The following TRIQK variants were observed in gnomAD, a reference collection of about 807,000 sequenced individuals.
TRIQK encodes the protein triple QxxK/R motif containing.
Under a neutral mutation model 10.8 loss-of-function variants are expected in TRIQK, and 10 were observed. The observed-to-expected ratio is 0.92, with a 90% CI of 0.57 to 1.57. The LOEUF is 1.57. TRIQK is among the 40% of genes most tolerant of loss of function. The pLI, the probability that TRIQK is intolerant of heterozygous loss-of-function variation, is 0.00. For synonymous variants in TRIQK, 33 were observed against 33.7 expected (o/e 0.98, Z 0.07); for missense variants, 107 against 97.7 (o/e 1.09, Z -0.40).
Position 92,906,435 on chromosome 8 carries a change from A to G in TRIQK, c.61+10494T>C, listed in dbSNP as rs1563622150. Reference sequence around the variant, plus strand: ...TTGACCAATCATAAAATTTAATACAATTTTTAAATTTTTAAAGGCAAAGAC... The same window carrying G: ...TTGACCAATCATAAAATTTAATACAGTTTTTAAATTTTTAAAGGCAAAGAC... On this transcript the variant is annotated intron_variant, in intron 3 of 4. Transcript: ENST00000521988. Among the ~76,000 whole-genome samples the G allele has an allele frequency of 2.6e-5, 4 of 152,222 alleles. 1 individual carries two copies. The highest frequency in any genetic ancestry group is 9.6e-5 in the African/African-American group (4 of 41,546).
At chr8:93,017,291 C>A (rs567001358) in intron 1 of TRIQK, among the ~76,000 whole-genome samples, 1 of 152,136 alleles carries the variant, frequency 6.6e-6, no homozygotes, top group African/African-American at 2.4e-5. Flanking sequence ...CACTTCAGGA[C>A]TAAGTAAGAA....
chr8:92,890,766 G>A (rs576946777), intron 4 of TRIQK, among the ~76,000 whole-genome samples: 1 of 151,950 alleles, frequency 6.6e-6, no homozygotes, highest in South Asian at 2.1e-4. Flanking sequence ...ACTGTATTGT[G>A]AAAGATAAAA....
At chr8:93,014,384 G>A (rs1188323262) in intron 1 of TRIQK, among the ~76,000 whole-genome samples, 1 of 151,722 alleles carries the variant, frequency 6.6e-6, no homozygotes, top group Non-Finnish European at 1.5e-5. Context: ...TTTCATTCTG[G>A]CCATTTTGCT....
intron 1 of TRIQK, among the ~76,000 whole-genome samples, chr8:93,009,368 G>T (rs1183715283): frequency 6.6e-6 from 1 of 152,164 alleles, no homozygotes; most frequent in African/African-American, 2.4e-5. Flanking sequence ...GCAGCACTTT[G>T]GGAGGCCGAG....
intron 1 of TRIQK, among the ~76,000 whole-genome samples, chr8:92,997,936 TCAAA>T (rs1486197714): frequency 6.6e-6 from 1 of 151,970 alleles, no homozygotes; most frequent in South Asian, 2.1e-4. Context: ...CTTACAAAAA[TCAAA>T]CAAAGTGAAA....
At chr8:92,956,296 C>A (rs1289866345) in intron 1 of TRIQK, among the ~76,000 whole-genome samples, 2 of 151,692 alleles carry the variant, frequency 1.3e-5, no homozygotes, top group Non-Finnish European at 3.0e-5. Context: ...CCACTTAATA[C>A]ATAACTTTTA....
At chr8:93,006,605 G>C (rs966832305) in intron 1 of TRIQK, among the ~76,000 whole-genome samples, 11 of 152,026 alleles carry the variant, frequency 7.2e-5, no homozygotes, top group Non-Finnish European at 1.6e-4. Context: ...AAGACAATGA[G>C]CTCCCGGCGG....
At chr8:92,935,211 GA>G (rs1810923162) in intron 2 of TRIQK, among the ~76,000 whole-genome samples, 1 of 151,520 alleles carries the variant, frequency 6.6e-6, no homozygotes, top group South Asian at 2.1e-4. Context: ...AAATAACAAA[GA>G]AAAGCTAGCA....
At chr8:92,915,540 G>A (rs1809785358) in intron 3 of TRIQK, among the ~76,000 whole-genome samples, 1 of 151,548 alleles carries the variant, frequency 6.6e-6, no homozygotes, top group South Asian at 2.1e-4. Context: ...CTGTAGTGCA[G>A]TAACATGATC....
chr8:92,950,187 A>T (rs894916292), intron 2 of TRIQK, among the ~76,000 whole-genome samples: 12 of 152,144 alleles, frequency 7.9e-5, no homozygotes, highest in African/African-American at 2.9e-4. Flanking sequence ...TAACAGTTAC[A>T]TTTAGAAAGT....
intron 1 of TRIQK, among the ~76,000 whole-genome samples, chr8:92,971,879 G>A (rs1328123186): frequency 3.3e-5 from 5 of 151,984 alleles, no homozygotes; most frequent in African/African-American, 9.7e-5. Context: ...GAGGCATCAC[G>A]GTATCCAACT....
chr8:92,955,555 C>T (rs957008593), intron 1 of TRIQK, among the ~76,000 whole-genome samples: 24 of 151,366 alleles, frequency 1.6e-4, no homozygotes, highest in Non-Finnish European at 3.5e-4. Context: ...GCACAAGCAA[C>T]AAAATAAAAA....
chr8:92,924,753 T>C (rs1810361655), intron 2 of TRIQK, among the ~76,000 whole-genome samples: 1 of 151,730 alleles, frequency 6.6e-6, no homozygotes, highest in Admixed American at 6.6e-5. Context: ...TTATAAGTCA[T>C]ATTAATTATT....
intron 2 of TRIQK, among the ~76,000 whole-genome samples, chr8:92,950,024 G>T (rs546535643): frequency 6.6e-6 from 1 of 152,082 alleles, no homozygotes; most frequent in East Asian, 1.9e-4. Flanking sequence ...TTACATATAC[G>T]ATGTACAATA....
chr8:93,016,929 A>C (rs1176225988), intron 1 of TRIQK, among the ~76,000 whole-genome samples: 1 of 152,226 alleles, frequency 6.6e-6, no homozygotes, highest in Non-Finnish European at 1.5e-5. Context: ...ATATACAACA[A>C]TTTTAAACAA....
At chr8:92,947,858 G>C (rs1036292408) in intron 2 of TRIQK, among the ~76,000 whole-genome samples, 2 of 152,100 alleles carry the variant, frequency 1.3e-5, no homozygotes, top group Admixed American at 1.3e-4. Context: ...GTAACACTGA[G>C]ATGACTTGAG....
At chr8:92,909,492 C>A (rs931928212) in intron 3 of TRIQK, among the ~76,000 whole-genome samples, 7 of 151,742 alleles carry the variant, frequency 4.6e-5, no homozygotes, top group African/African-American at 9.7e-5. Flanking sequence ...ATAAACATCT[C>A]GGGCAAATTT....
chr8:92,998,807 A>C (rs917512004), intron 1 of TRIQK, among the ~76,000 whole-genome samples: 1 of 152,114 alleles, frequency 6.6e-6, no homozygotes, highest in Non-Finnish European at 1.5e-5. Context: ...CAAATAAGAC[A>C]ACATTTCCAG....
chr8:93,007,145 G>A (rs1336529564), intron 1 of TRIQK, among the ~76,000 whole-genome samples: 1 of 152,114 alleles, frequency 6.6e-6, no homozygotes, highest in Non-Finnish European at 1.5e-5. Flanking sequence ...CCCAGAGGAA[G>A]GATCAGGCAG....
Sources: allele counts gnomAD v4.1 joint callset (sites outside exome capture counted in the v4.1 genomes callset), GRCh38; gene constraint gnomAD v4.1.1; transcripts MANE v1.5; gene names NCBI Gene and HGNC (gene_info 2026-07-23, HGNC 2026-07-21).